DENND1C: variants seen among roughly 807,000 people sequenced by gnomAD.
DENND1C encodes DENN domain containing 1C, also known as DENN domain-containing protein 1C.
In DENND1C, 64 loss-of-function variants were observed where a neutral mutation model predicts 87.9. The observed-to-expected ratio is 0.73, with a 90% CI of 0.60 to 0.90. The LOEUF (loss-of-function observed/expected upper bound fraction) is 0.90, where lower values mean the gene tolerates loss of function less well. Among genes scored for constraint, DENND1C ranks in the 40% least tolerant of loss-of-function variants. The probability of loss-of-function intolerance (pLI) is 0.00; values close to 1 mark genes in which losing one functional copy is unlikely to be tolerated. For synonymous variants in DENND1C, 384 were observed against 424.4 expected (o/e 0.90, Z 1.17); for missense variants, 980 against 1,037.0 (o/e 0.95, Z 0.76).
At chr19:6,478,743 G>C (rs2092877934) in intron 6 of DENND1C, 40 bp downstream of exon 6, 1 of 1,584,342 alleles carries the variant, frequency 6.3e-7, no homozygotes. Context: ...GGGGGTGGGG[G>C]CTGGGACTCC....
intron 1 of DENND1C, 157 bp downstream of exon 1, chr19:6,481,522 G>T: frequency 9.9e-7 from 1 of 1,007,882 alleles, no homozygotes; most frequent in Non-Finnish European, 1.5e-6. Flanking sequence ...CAGAGTGAAG[G>T]TCATAGCGGA....
rs1316331995 is a variant in DENND1C at position 6,472,991 on chromosome 19, G to A, written c.1056C>T (p.Gly352=). Residue 352 remains glycine (G), a splice_region_variant and synonymous_variant, in exon 15 of 23, where the codon GGC becomes GGT. Transcript: ENST00000381480. The part of the protein sequence containing the change: ...GYRDALVCSP[G]QPVTFSEEVF... ...CTTCCTCACTGAAGGTCACTGGCTG[G>A]CCCTGGAAGAAGCGTTGGAGTTCTG... 6.5e-7 allele frequency: 1 copy of A among 1,541,972 alleles called. No individual in the cohort carries two copies. Among genetic ancestry groups the A allele is most frequent in the Admixed American group, 2.1e-5 (1 of 48,062 alleles).
Position 6,479,919 on chromosome 19 carries a change from G to T in DENND1C, c.83-17C>A, listed in dbSNP as rs903105364. On this transcript the variant is annotated splice_polypyrimidine_tract_variant and intron_variant, in intron 2 of 22. Coordinates refer to ENST00000381480, the MANE Select transcript of DENND1C (RefSeq NM_024898.4). ...TGGGGGGATCTGTAGAAGAGAGCAC[G>T]CCTCTAAGTTCAGCGACCCAGGCCC... The T allele has an allele frequency of 4.4e-6, 7 of 1,598,676 alleles. No homozygotes were observed. The highest frequency in any genetic ancestry group is 6.0e-6 in the Non-Finnish European group (7 of 1,173,024).
chr19:6,480,074 A>G (rs1384060137), intron 1 of DENND1C, 23 bp from the exon 2 acceptor site: 3 of 1,595,946 alleles, frequency 1.9e-6, no homozygotes, highest in Admixed American at 3.5e-5. Context: ...GAAGGGGTCC[A>G]GAGACTTGCT....
intron 6 of DENND1C, among the ~76,000 whole-genome samples, chr19:6,478,288 A>C (rs1167270507): frequency 1.3e-5 from 2 of 152,002 alleles, no homozygotes; most frequent in Non-Finnish European, 1.5e-5. Context: ...CTGTTGCCCA[A>C]GCTGGAGTGC....
chr19:6,468,673 C>A, intron 20 of DENND1C, 28 bp from the exon 21 acceptor site: 1 of 1,456,118 alleles, frequency 6.9e-7, no homozygotes. Context: ...GATAGGACCT[C>A]AGGAGACTGC....
chr19:6,478,857 G>T lies in DENND1C; in HGVS notation c.297-5C>A. The T allele has an allele frequency of 6.2e-7, 1 of 1,613,826 alleles. No individual in the cohort carries two copies. On this transcript the variant is annotated splice_polypyrimidine_tract_variant and splice_region_variant and intron_variant, in intron 5 of 22. Transcript: ENST00000381480. ...ACCTCGAACCAAGGCAGGTGGCTGT[G>T]GAGAGAGGAGACAGGTTCCACGAAG...
rs1180987257 is a variant in DENND1C, at chr19:6,467,961, T to C, written c.1949A>G (p.Glu650Gly). The C allele has an allele frequency of 6.2e-7, 1 of 1,613,756 alleles. No homozygotes were observed. Among genetic ancestry groups the C allele is most frequent in the Non-Finnish European group, 8.5e-7 (1 of 1,179,850 alleles). The change falls in exon 23 of 23, where the codon GAA (glutamate) becomes GGA (glycine). Residue 650 changes from glutamate (E) to glycine (G), a missense_variant. Coordinates refer to ENST00000381480, the MANE Select transcript of DENND1C (RefSeq NM_024898.4). ...SQLIPSESDQEVTSPSQSSTA... is the reference protein window; with the variant it reads ...SQLIPSESDQGVTSPSQSSTA... The stretch of plus-strand genomic sequence containing the variant: ...TGAGGACTGGGATGGAGACGTGACT[T>C]CTTGGTCGGACTCTGAGGGTATCAG...
intron 1 of DENND1C, 115 bp from the exon 2 acceptor site, chr19:6,480,166 G>T (rs1451063088): frequency 3.3e-6 from 5 of 1,508,776 alleles, no homozygotes; most frequent in Non-Finnish European, 4.4e-6. Flanking sequence ...GTCGGCATGT[G>T]CATGACTCTG....
chr19:6,468,795 A>T, intron 20 of DENND1C, 51 bp downstream of exon 20: 5 of 1,466,276 alleles, frequency 3.4e-6, no homozygotes, highest in Non-Finnish European at 3.6e-6. Flanking sequence ...GGATGGGTAG[A>T]GGATTCAGTG....
rs1424894281 is a variant in DENND1C, at chr19:6,468,211, G to A, written c.1791+23C>T. ...TTAGGGGAAGACTTGGGGTAGGGTTGGGGGAGTGGGCGAGGCTCTCACCAG... is the reference window on the plus strand; with the variant it reads ...TTAGGGGAAGACTTGGGGTAGGGTTAGGGGAGTGGGCGAGGCTCTCACCAG... On this transcript the variant is annotated intron_variant, in intron 22 of 22. Coordinates refer to ENST00000381480, the MANE Select transcript of DENND1C (RefSeq NM_024898.4). The A allele has an allele frequency of 2.5e-6, 4 of 1,612,762 alleles. No homozygotes were observed. In the African/African-American group the frequency reaches 5.3e-5, roughly 22 times the overall value.
chr19:6,468,054 G>C lies in DENND1C; in HGVS notation c.1856C>G (p.Ser619Cys), dbSNP rs755553002. The C allele has an allele frequency of 4.3e-6, 7 of 1,613,782 alleles. No homozygotes were observed. The Admixed American group carries it at 8.3e-5, about 19-fold the overall frequency. ...CGAGGCATTTTGCAGGGATGGCAGG[G>C]AAAGGGGCTGGGGCTCCGGCTCTGG... is the stretch of plus-strand genomic sequence containing the variant. ...KLPEPEPQPL[S>C]LPSLQNASSL... The change falls in exon 23 of 23, where the codon TCC becomes TGC. Residue 619 changes from serine to cysteine, a missense_variant. Physicochemically the swap from Ser to Cys is moderately radical, Grantham distance 112 (BLOSUM62 -1). Transcript: ENST00000381480.
At chr19:6,468,824 A>G (rs375852555) in intron 20 of DENND1C, 22 bp downstream of exon 20, 2 of 1,498,836 alleles carry the variant, frequency 1.3e-6, no homozygotes, top group Non-Finnish European at 1.8e-6. Context: ...AGGTGTGTGC[A>G]TGGGGGGAGG....
In DENND1C at chr19:6,477,114, A is replaced by G; in HGVS notation, c.527T>C (p.Val176Ala). 1 of 1,605,628 alleles carries G rather than the reference A, an allele frequency of 6.2e-7. No homozygotes were observed. The highest frequency in any genetic ancestry group is 1.3e-5 in the African/African-American group (1 of 74,606). The change falls in exon 9 of 23, where the codon GTG (valine) becomes GCG (alanine). Residue 176 changes from valine to alanine, a missense_variant. Val to Ala is a moderately conservative substitution (Grantham distance 64, BLOSUM62 0). Coordinates refer to ENST00000381480, the MANE Select transcript of DENND1C (RefSeq NM_024898.4). Reference protein sequence around the residue: ...RGNSKPLSCFVAPDSGRLPSI... With the variant: ...RGNSKPLSCFAAPDSGRLPSI... The stretch of plus-strand genomic sequence containing the variant: ...TGGCAGGCGGCCGGAGTCCGGGGCC[A>G]CGAAGCAGGAAAGCTGGTGGGGGTA...
At chr19:6,475,209 T>C (rs2092851376) in intron 14 of DENND1C, 65 bp downstream of exon 14, 1 of 1,604,178 alleles carries the variant, frequency 6.2e-7, no homozygotes, top group Non-Finnish European at 8.5e-7. Flanking sequence ...CTACTGTACC[T>C]ATCGTTACAT....
At chr19:6,474,841 G>T (rs1225869445) in intron 14 of DENND1C, among the ~76,000 whole-genome samples, 6 of 152,060 alleles carry the variant, frequency 3.9e-5, no homozygotes. Flanking sequence ...GCCTGATGCG[G>T]GCAGATCACC....
chr19:6,470,947 C>T (rs111641372), intron 17 of DENND1C, among the ~76,000 whole-genome samples: 4,972 of 151,650 alleles, frequency 0.033, 259 homozygotes, highest in African/African-American at 0.11. Context: ...CATGAGCCAC[C>T]GTGCCCAGGC....
At chr19:6,480,115 T>C in intron 1 of DENND1C, 64 bp from the exon 2 acceptor site, 2 of 1,557,224 alleles carry the variant, frequency 1.3e-6, no homozygotes, top group Non-Finnish European at 1.7e-6. Context: ...TCTGCCACTT[T>C]GCACACAAGT....
At chr19:6,479,766 C>T in intron 3 of DENND1C, 48 bp from the exon 4 acceptor site, 1 of 1,613,886 alleles carries the variant, frequency 6.2e-7, no homozygotes, top group Non-Finnish European at 8.5e-7. Flanking sequence ...AGGTCGGGCA[C>T]CACCTCCCTG....
Sources: gnomAD v4.1 joint callset for allele counts (sites outside exome capture counted in the v4.1 genomes callset) on GRCh38, gnomAD v4.1.1 for gene constraint, MANE v1.5 for transcripts, NCBI Gene and HGNC (gene_info 2026-07-23, HGNC 2026-07-21) for gene names.